CLSTN2: variants seen among roughly 807,000 people sequenced by gnomAD.
The protein encoded by CLSTN2 is calsyntenin 2.
CLSTN2 carries 48 observed loss-of-function variants against 101.2 expected under a neutral mutation model. That is an observed-to-expected ratio of 0.47 (90% CI 0.38 to 0.60). The LOEUF is 0.60. Among genes scored for constraint, CLSTN2 ranks in the 20% least tolerant of loss-of-function variants. The probability of loss-of-function intolerance (pLI) is 0.00; values close to 1 mark genes in which losing one functional copy is unlikely to be tolerated. For missense variants in CLSTN2, 1,160 were observed against 1,238.2 expected, an observed-to-expected ratio of 0.94 and a Z score of 0.95; for synonymous variants, 481 against 463.6, an observed-to-expected ratio of 1.04 and a Z score of -0.48.
rs201136504 is a variant in CLSTN2, at chr3:140,187,176, C to T, written c.232+11103C>T. 5.1e-4 allele frequency among the ~76,000 whole-genome samples: 77 copies of T among 152,258 alleles called. No individual in the cohort carries two copies. In the East Asian group the frequency reaches 0.015, roughly 29 times the overall value. Reference sequence around the variant, plus strand: ...GGGCCATTCCTCTTGGCTGCTATTCCCTGTTGCCTGTCATATCTGCACTGA... The same window carrying T: ...GGGCCATTCCTCTTGGCTGCTATTCTCTGTTGCCTGTCATATCTGCACTGA... On this transcript the variant is annotated intron_variant, in intron 2 of 16. Coordinates refer to ENST00000458420, the MANE Select transcript of CLSTN2 (RefSeq NM_022131.3).
chr3:140,280,561 G>C (rs1309103681), intron 2 of CLSTN2, among the ~76,000 whole-genome samples: 1 of 152,162 alleles, frequency 6.6e-6, no homozygotes, highest in Non-Finnish European at 1.5e-5. Context: ...AACTGAGAAA[G>C]ATAAAGAATG....
At chr3:140,421,374 G>A in intron 5 of CLSTN2, 100 bp downstream of exon 5, 1 of 1,339,494 alleles carries the variant, frequency 7.5e-7, no homozygotes, top group African/African-American at 1.5e-5. Context: ...ACTTTTTAAA[G>A]TACAGTCACT....
chr3:140,108,077 G>A (rs1438515307), intron 1 of CLSTN2, among the ~76,000 whole-genome samples: 1 of 152,124 alleles, frequency 6.6e-6, no homozygotes, highest in African/African-American at 2.4e-5. Flanking sequence ...GGAATGACGT[G>A]TTCCTCTTCA....
At chr3:140,017,152 A>G (rs1381149516) in intron 1 of CLSTN2, among the ~76,000 whole-genome samples, 1 of 152,310 alleles carries the variant, frequency 6.6e-6, no homozygotes, top group Non-Finnish European at 1.5e-5. Flanking sequence ...ATCTTGTTAA[A>G]TGTCTGGAAG....
chr3:140,267,019 G>A (rs1440703798), intron 2 of CLSTN2, among the ~76,000 whole-genome samples: 1 of 152,150 alleles, frequency 6.6e-6, no homozygotes, highest in Non-Finnish European at 1.5e-5. Context: ...GAGAGAAATG[G>A]GACAAGTGAG....
intron 2 of CLSTN2, among the ~76,000 whole-genome samples, chr3:140,398,216 C>G (rs192999228): frequency 2.8e-4 from 42 of 152,224 alleles, no homozygotes; most frequent in Admixed American, 2.4e-3. Flanking sequence ...AGACACAAAC[C>G]AGCATACTTT....
chr3:140,117,762 C>G (rs2009270670), intron 1 of CLSTN2, among the ~76,000 whole-genome samples: 1 of 152,118 alleles, frequency 6.6e-6, no homozygotes, highest in African/African-American at 2.4e-5. Flanking sequence ...TGCAGTTATG[C>G]CCATCTTACA....
intron 2 of CLSTN2, among the ~76,000 whole-genome samples, chr3:140,342,990 C>A (rs1034215578): frequency 6.6e-6 from 1 of 152,172 alleles, no homozygotes; most frequent in African/African-American, 2.4e-5. Context: ...GGCATCATTT[C>A]CAATGTGGTC....
intron 5 of CLSTN2, among the ~76,000 whole-genome samples, chr3:140,428,578 T>C (rs2088596966): frequency 6.6e-6 from 1 of 152,172 alleles, no homozygotes; most frequent in Non-Finnish European, 1.5e-5. Flanking sequence ...CTTTGTCTGC[T>C]CACCTCATCC....
Position 139,935,524 on chromosome 3 carries a change from C to A in CLSTN2, c.109+41C>A. ...GTTTGCTCTTCTCCCAGGAGGGAGG[C>A]AGGGCAGGCTTGAGGGTGAAAGCGG... On this transcript the variant is annotated intron_variant, in intron 1 of 16. Coordinates refer to ENST00000458420, the MANE Select transcript of CLSTN2 (RefSeq NM_022131.3). This position sits in a 1 kb window ranked among gnomAD's most constrained non-coding sequence, Gnocchi z 5.5. 1 of 1,059,974 alleles carries A rather than the reference C, an allele frequency of 9.4e-7. No individual in the cohort carries two copies. Among genetic ancestry groups the A allele is most frequent in the Non-Finnish European group, 1.2e-6 (1 of 830,490 alleles). 65.7% of individuals were successfully genotyped at this position (1,059,974 alleles called of 1,614,324 possible).
chr3:140,059,827 A>G (rs1249963815), intron 1 of CLSTN2, among the ~76,000 whole-genome samples: 1 of 152,188 alleles, frequency 6.6e-6, no homozygotes, highest in Non-Finnish European at 1.5e-5. Context: ...AGAAATGTCC[A>G]GGGAAAATAT....
At chr3:140,418,807 C>T (rs913423957) in intron 4 of CLSTN2, among the ~76,000 whole-genome samples, 9 of 152,022 alleles carry the variant, frequency 5.9e-5, no homozygotes, top group Non-Finnish European at 1.3e-4. Flanking sequence ...TGAGCCACTG[C>T]GCCGGGCTGA....
intron 8 of CLSTN2, among the ~76,000 whole-genome samples, chr3:140,485,480 AG>A (rs1445395118): frequency 1.3e-5 from 2 of 152,188 alleles, no homozygotes; most frequent in African/African-American, 4.8e-5. Context: ...CTCTCTTCAA[AG>A]CTGTCAGACA....
intron 2 of CLSTN2, among the ~76,000 whole-genome samples, chr3:140,223,490 G>A (rs555567697): frequency 1.4e-4 from 21 of 152,270 alleles, no homozygotes; most frequent in African/African-American, 5.1e-4. Context: ...CATTCTGCAT[G>A]CTCCGAGAGA....
Position 140,421,250 on chromosome 3 carries a change from C to A in CLSTN2, c.763C>A (p.Pro255Thr). 1 of 1,614,112 alleles carries A rather than the reference C, an allele frequency of 6.2e-7. No homozygotes were observed. Among genetic ancestry groups the A allele is most frequent in the Non-Finnish European group, 8.5e-7 (1 of 1,180,004 alleles). ...QDTLVQVDVK[P>T]VCKPGWQDWT... The stretch of plus-strand genomic sequence containing the variant: ...CACCCTGGTGCAGGTGGATGTGAAG[C>A]CAGTTTGCAAGCCTGGCTGGCAAGG... Residue 255 changes from proline to threonine, a missense_variant, in exon 5 of 17, where the codon CCA (proline) becomes ACA (threonine). Physicochemically the swap from Pro to Thr is conservative, Grantham distance 38 (BLOSUM62 -1). Transcript: ENST00000458420.
At chr3:140,034,159 A>T (rs2007611175) in intron 1 of CLSTN2, among the ~76,000 whole-genome samples, 1 of 152,222 alleles carries the variant, frequency 6.6e-6, no homozygotes, top group South Asian at 2.1e-4. Context: ...TTTGTTTTAG[A>T]GGTAGCTCTG....
chr3:140,215,018 A>G (rs2010903372), intron 2 of CLSTN2, among the ~76,000 whole-genome samples: 1 of 152,216 alleles, frequency 6.6e-6, no homozygotes. Flanking sequence ...AAGGGGATGA[A>G]TATTTTAGTA....
At chr3:140,294,842 G>A (rs1048481047) in intron 2 of CLSTN2, among the ~76,000 whole-genome samples, 6 of 152,146 alleles carry the variant, frequency 3.9e-5, no homozygotes, top group African/African-American at 1.4e-4. Context: ...CCTGATGATG[G>A]CACTCTTCCA....
intron 2 of CLSTN2, among the ~76,000 whole-genome samples, chr3:140,316,771 T>C (rs1279220945): frequency 6.6e-6 from 1 of 152,208 alleles, no homozygotes; most frequent in Non-Finnish European, 1.5e-5. Context: ...TGGAGGCAAG[T>C]GATATTCTAA....
Sources: gnomAD v4.1 joint callset for allele counts (sites outside exome capture counted in the v4.1 genomes callset) on GRCh38, gnomAD v4.1.1 for gene constraint, Gnocchi (gnomAD v3.1) non-coding constraint, MANE v1.5 for transcripts, NCBI Gene and HGNC (gene_info 2026-07-23, HGNC 2026-07-21) for gene names.